The following OSBPL6 variants were observed in gnomAD, a reference collection of about 807,000 sequenced individuals.
OSBPL6 encodes oxysterol-binding protein-related protein 6.
In OSBPL6, 49 loss-of-function variants were observed where a neutral mutation model predicts 125.8. The observed-to-expected ratio is 0.39, with a 90% CI of 0.31 to 0.49. OSBPL6 has a LOEUF of 0.49. Ranked by LOEUF, OSBPL6 falls within the 20% of genes least tolerant of loss-of-function variation. The pLI is 0.88. For missense variants in OSBPL6, 986 were observed against 1,135.4 expected (o/e 0.87, Z 1.89); for synonymous variants, 394 against 391.8 (o/e 1.01, Z -0.07).
intron 1 of OSBPL6, among the ~76,000 whole-genome samples, chr2:178,198,838 A>C (rs1277856835): frequency 6.6e-6 from 1 of 152,108 alleles, no homozygotes; most frequent in Admixed American, 6.6e-5. Flanking sequence ...AATGTTAGGG[A>C]GTTGTTGTTA....
At chr2:178,245,943 T>C (rs1488112852) in intron 1 of OSBPL6, among the ~76,000 whole-genome samples, 1 of 152,190 alleles carries the variant, frequency 6.6e-6, no homozygotes, top group Non-Finnish European at 1.5e-5. Flanking sequence ...GGATGGTGGC[T>C]TAAGAGTATT....
intron 12 of OSBPL6, among the ~76,000 whole-genome samples, chr2:178,357,295 A>G (rs1179079327): frequency 6.6e-6 from 1 of 152,272 alleles, no homozygotes; most frequent in East Asian, 1.9e-4. Flanking sequence ...ATCAGAATGA[A>G]CAGGCAACCT....
intron 19 of OSBPL6, among the ~76,000 whole-genome samples, chr2:178,386,756 A>G (rs1694973203): frequency 6.6e-6 from 1 of 152,120 alleles, no homozygotes; most frequent in Non-Finnish European, 1.5e-5. Context: ...CACACCGCAC[A>G]CACACTGTTC....
Position 178,333,017 on chromosome 2 carries a change from T to G in OSBPL6, c.633T>G (p.Ala211=). 1 of 1,614,098 alleles carries G rather than the reference T, an allele frequency of 6.2e-7. No individual in the cohort carries two copies. The highest frequency in any genetic ancestry group is 1.1e-5 in the South Asian group (1 of 91,056). The part of the protein sequence containing the change: ...STSTAESSPA[A]NVSVMDGKMQ... ...CCACAGCTGAATCCTCACCAGCTGC[T>G]AATGTTTCTGTAATGGATGGAAAGG... The change falls in exon 8 of 25, where the codon GCT becomes GCG. Residue 211 remains alanine (A), a synonymous_variant. Transcript: ENST00000190611.
chr2:178,275,771 G>A (rs1319248238), intron 1 of OSBPL6, among the ~76,000 whole-genome samples: 1 of 151,888 alleles, frequency 6.6e-6, no homozygotes, highest in Admixed American at 6.6e-5. Flanking sequence ...AAGCTGACTT[G>A]GGGAGAAGAG....
At chr2:178,265,623 G>A (rs191093494) in intron 1 of OSBPL6, among the ~76,000 whole-genome samples, 117 of 152,242 alleles carry the variant, frequency 7.7e-4, no homozygotes, top group Non-Finnish European at 1.3e-3. Flanking sequence ...CTTTAAGTGG[G>A]AAGATTTATC....
At chr2:178,393,246 T>C (rs1183889364) in intron 23 of OSBPL6, among the ~76,000 whole-genome samples, 1 of 152,186 alleles carries the variant, frequency 6.6e-6, no homozygotes, top group African/African-American at 2.4e-5. Flanking sequence ...TAGGATAAGT[T>C]ACAGGGGAAC....
chr2:178,204,670 GAA>G (rs1042481728), intron 1 of OSBPL6, among the ~76,000 whole-genome samples: 6 of 152,348 alleles, frequency 3.9e-5, no homozygotes, highest in Admixed American at 3.9e-4. Context: ...GCCAGAAGGA[GAA>G]GTCCCCCAGA....
intron 5 of OSBPL6, among the ~76,000 whole-genome samples, chr2:178,329,337 T>C: frequency 6.6e-6 from 1 of 152,162 alleles, no homozygotes; most frequent in East Asian, 1.9e-4. Context: ...ATTACCCAAA[T>C]AGCAAGGATT....
chr2:178,383,008 A>G lies in OSBPL6; in HGVS notation c.1622-16A>G, dbSNP rs916461670. 1.9e-6 allele frequency: 3 copies of G among 1,613,162 alleles called. No individual in the cohort carries two copies. ...GAACAGCAAAGTGTCCTTCACTGTG[A>G]CTCTCCTTCTTCCAGTCCTGAATGG... is the stretch of plus-strand genomic sequence containing the variant. On this transcript the variant is annotated splice_polypyrimidine_tract_variant and intron_variant, in intron 16 of 24. Coordinates refer to ENST00000190611, the MANE Select transcript of OSBPL6 (RefSeq NM_032523.4).
At chr2:178,391,900 TTTA>T (rs1378625438) in intron 22 of OSBPL6, among the ~76,000 whole-genome samples, 1 of 152,236 alleles carries the variant, frequency 6.6e-6, no homozygotes, top group Non-Finnish European at 1.5e-5. Context: ...TCCGCAACTA[TTTA>T]TTGAGTGCTG....
At chr2:178,238,291 G>A (rs963357215) in intron 1 of OSBPL6, among the ~76,000 whole-genome samples, 4 of 152,056 alleles carry the variant, frequency 2.6e-5, no homozygotes, top group Admixed American at 6.6e-5. Flanking sequence ...TGTCCCACCC[G>A]GGATATGAAT....
intron 2 of OSBPL6, among the ~76,000 whole-genome samples, chr2:178,290,694 C>G (rs904063370): frequency 4.6e-5 from 7 of 151,822 alleles, no homozygotes; most frequent in African/African-American, 1.7e-4. Flanking sequence ...CATTCCATAC[C>G]CCAGTCTAAG....
intron 3 of OSBPL6, among the ~76,000 whole-genome samples, chr2:178,318,583 T>C (rs921793260): frequency 6.6e-6 from 1 of 151,916 alleles, no homozygotes; most frequent in African/African-American, 2.4e-5. Context: ...ATGCATCTTC[T>C]GCTGCAGGCA....
intron 16 of OSBPL6, chr2:178,382,761 T>C: frequency 1.4e-6 from 2 of 1,430,728 alleles, no homozygotes; most frequent in Non-Finnish European, 9.1e-7. Context: ...TCTTATTAAA[T>C]GTATTTAATT....
intron 15 of OSBPL6, among the ~76,000 whole-genome samples, chr2:178,377,902 C>T (rs949580459): frequency 2.6e-5 from 4 of 152,166 alleles, no homozygotes; most frequent in Non-Finnish European, 4.4e-5. Context: ...AATCTTGCCT[C>T]ACTGTAATCT....
intron 1 of OSBPL6, among the ~76,000 whole-genome samples, chr2:178,263,672 G>C (rs116248035): frequency 1.2e-4 from 18 of 152,218 alleles, no homozygotes; most frequent in Middle Eastern, 3.4e-3. Context: ...CTGCTGTATT[G>C]GGATGCTTGG....
rs771581308 is a variant in OSBPL6 at position 178,392,420 on chromosome 2, C to A, written c.2455C>A (p.Pro819Thr). The A allele has an allele frequency of 6.2e-7, 1 of 1,613,852 alleles. No homozygotes were observed. Among genetic ancestry groups the A allele is most frequent in the African/African-American group, 1.3e-5 (1 of 74,900 alleles). The change falls in exon 23 of 25, where the codon CCA becomes ACA. Residue 819 changes from proline (P) to threonine (T), a missense_variant. Physicochemically the swap from Pro to Thr is conservative, Grantham distance 38. This residue lies in a region of OSBPL6 where 843 missense variants were observed against 997.3 expected (regional missense o/e 0.85). Transcript: ENST00000190611. ...AKCIWRPGSM[P>T]TNYELYYGFT... ...CATTGGCCTCTTTCCAGGTTCCATGCCAACAAACTATGAGCTGTACTATGG... is the reference window on the plus strand; with the variant it reads ...CATTGGCCTCTTTCCAGGTTCCATGACAACAAACTATGAGCTGTACTATGG...
intron 1 of OSBPL6, among the ~76,000 whole-genome samples, chr2:178,211,476 TTG>T (rs1468756149): frequency 6.6e-6 from 1 of 152,126 alleles, no homozygotes; most frequent in African/African-American, 2.4e-5. Context: ...AGCTTTCAGT[TTG>T]TCCCAGCCCC....
Sources: gnomAD v4.1 joint callset for allele counts (sites outside exome capture counted in the v4.1 genomes callset) on GRCh38, gnomAD v4.1.1 for gene constraint, gnomAD v4.1.1 regional missense constraint, MANE v1.5 for transcripts, NCBI Gene and HGNC (gene_info 2026-07-23, HGNC 2026-07-21) for gene names.